Variants in SH3BP5 observed in about 807,000 individuals in gnomAD.
SH3BP5 encodes the protein SH3 domain binding protein 5.
SH3BP5 carries 22 observed loss-of-function variants against 43.3 expected under a neutral mutation model. The observed-to-expected ratio is 0.51, with a 90% confidence interval of 0.36 to 0.73. SH3BP5 has a LOEUF of 0.73. Among genes scored for constraint, SH3BP5 ranks in the 30% least tolerant of loss-of-function variants. The pLI is 0.00. For synonymous variants in SH3BP5, 255 were observed against 225.8 expected (o/e 1.13, Z -1.16); for missense variants, 529 against 586.9 (o/e 0.90, Z 1.02).
intron 3 of SH3BP5, among the ~76,000 whole-genome samples, chr3:15,285,391 G>A (rs1257926906): frequency 6.6e-6 from 1 of 152,098 alleles, no homozygotes; most frequent in African/African-American, 2.4e-5. Context: ...CTCATTCCCC[G>A]CTCCGCTCAA....
At chr3:15,303,974 G>C in intron 3 of SH3BP5, 129 bp downstream of exon 3, 1 of 715,742 alleles carries the variant, frequency 1.4e-6, no homozygotes, top group Non-Finnish European at 2.4e-6. Flanking sequence ...GCGGGGCGGT[G>C]GGTCACTGCA....
chr3:15,330,584 G>T lies in SH3BP5; in HGVS notation c.139-18C>A. On this transcript the variant is annotated intron_variant, in intron 1 of 8. Transcript: ENST00000383791. Reference sequence around the variant, plus strand: ...AGTTCTCCCTGGTGAAGAAAAGAGGGAGAAAAAAAGACTTAAGGGATCCGT... The same window carrying T: ...AGTTCTCCCTGGTGAAGAAAAGAGGTAGAAAAAAAGACTTAAGGGATCCGT... 6.4e-7 allele frequency: 1 copy of T among 1,569,552 alleles called. No homozygotes were observed. Among genetic ancestry groups the T allele is most frequent in the South Asian group, 1.2e-5 (1 of 84,496 alleles).
intron 1 of SH3BP5, among the ~76,000 whole-genome samples, chr3:15,338,937 T>C (rs1698733033): frequency 6.6e-6 from 1 of 152,070 alleles, no homozygotes. Context: ...CCCAGAGCCC[T>C]CATGGTAAGG....
At chr3:15,295,602 G>A (rs1020185281) in intron 3 of SH3BP5, among the ~76,000 whole-genome samples, 1 of 152,212 alleles carries the variant, frequency 6.6e-6, no homozygotes, top group Non-Finnish European at 1.5e-5. Flanking sequence ...CTTCGTTCAG[G>A]CAGAAGTTAT....
upstream of SH3BP5, among the ~76,000 whole-genome samples, chr3:15,336,330 G>C (rs1408650573): frequency 1.3e-5 from 2 of 152,278 alleles, no homozygotes; most frequent in Admixed American, 6.5e-5. Context: ...TCAGAGGCAA[G>C]CATGTGGGTA....
intron 3 of SH3BP5, among the ~76,000 whole-genome samples, 193 bp from the exon 4 acceptor site, chr3:15,270,070 C>T (rs1410270368): frequency 1.3e-5 from 2 of 152,232 alleles, no homozygotes; most frequent in Non-Finnish European, 2.9e-5. Flanking sequence ...AGCAACAAAT[C>T]AGTGAGCGAA....
Position 15,327,169 on chromosome 3 carries a change from G to A in SH3BP5, c.201+3335C>T, listed in dbSNP as rs193144209. Among the ~76,000 whole-genome samples, 299 of 151,966 alleles carry A rather than the reference G, an allele frequency of 2.0e-3. 2 individuals are homozygous for A. Among genetic ancestry groups the A allele is most frequent in the African/African-American group, 6.8e-3 (280 of 41,432 alleles). ...GTGGGGAGGGGGGTAGCGACGACAC[G>A]AGATCCGGAGTTCAAGACCAGCCAG... On this transcript the variant is annotated intron_variant, in intron 2 of 8. Coordinates refer to ENST00000383791, the MANE Select transcript of SH3BP5 (RefSeq NM_004844.5).
chr3:15,285,947 CA>C (rs1697254428), intron 3 of SH3BP5, among the ~76,000 whole-genome samples: 1 of 152,204 alleles, frequency 6.6e-6, no homozygotes, highest in South Asian at 2.1e-4. Flanking sequence ...AGAAGATCTG[CA>C]AAGGAATTCA....
At chr3:15,320,642 C>CACACACA (rs1553619765) in intron 2 of SH3BP5, among the ~76,000 whole-genome samples, 1 of 25,768 alleles carries the variant, frequency 3.9e-5, no homozygotes, top group African/African-American at 1.4e-4. Context: ...ACACACACAC[C>CACACACA]CCACTACGTT....
At chr3:15,320,019 T>C (rs1258226887) in intron 2 of SH3BP5, among the ~76,000 whole-genome samples, 1 of 152,138 alleles carries the variant, frequency 6.6e-6, no homozygotes, top group African/African-American at 2.4e-5. Context: ...AAACACCCCC[T>C]TTCTTCTTCC....
At chr3:15,300,089 A>T (rs116442419) in intron 3 of SH3BP5, among the ~76,000 whole-genome samples, 291 of 152,272 alleles carry the variant, frequency 1.9e-3, no homozygotes, top group African/African-American at 6.6e-3. Context: ...GTAACCATCA[A>T]AAGTGGAAAA....
chr3:15,263,115 C>G (rs528273163), intron 4 of SH3BP5, among the ~76,000 whole-genome samples: 6 of 152,272 alleles, frequency 3.9e-5, no homozygotes, highest in Admixed American at 3.3e-4. Flanking sequence ...GCTAAATTGG[C>G]TGTGGCAATG....
chr3:15,272,067 C>T (rs1696816927), intron 3 of SH3BP5, among the ~76,000 whole-genome samples: 1 of 152,122 alleles, frequency 6.6e-6, no homozygotes, highest in Non-Finnish European at 1.5e-5. Context: ...CTACAGGGAC[C>T]CCACCCTTCC....
chr3:15,277,077 A>C (rs1347756774), intron 3 of SH3BP5, among the ~76,000 whole-genome samples: 5 of 152,018 alleles, frequency 3.3e-5, no homozygotes, highest in African/African-American at 1.2e-4. Context: ...CAGCCTCCCA[A>C]GTAGCTGGGA....
chr3:15,332,602 G>C, upstream of SH3BP5: 1 of 1,194,318 alleles, frequency 8.4e-7, no homozygotes. Flanking sequence ...GGGCGCGGCC[G>C]CCCCCTTTCT....
intron 2 of SH3BP5, among the ~76,000 whole-genome samples, chr3:15,308,133 C>A (rs1697960534): frequency 6.6e-6 from 1 of 152,204 alleles, no homozygotes; most frequent in South Asian, 2.1e-4. Flanking sequence ...ATCACTCATT[C>A]AGGTTCCCTG....
At chr3:15,283,829 A>C (rs965066783) in intron 3 of SH3BP5, among the ~76,000 whole-genome samples, 1 of 152,190 alleles carries the variant, frequency 6.6e-6, no homozygotes, top group African/African-American at 2.4e-5. Flanking sequence ...GCCCTGATGG[A>C]GGGAGGATAA....
At chr3:15,330,881 CA>C (rs1443689437) in intron 1 of SH3BP5, 1 of 274,062 alleles carries the variant, frequency 3.6e-6, no homozygotes, top group Non-Finnish European at 5.6e-6. Flanking sequence ...ATGGCCTAAT[CA>C]AAACAGTACC....
At chr3:15,324,605 C>T (rs1318281608) in intron 2 of SH3BP5, among the ~76,000 whole-genome samples, 2 of 146,690 alleles carry the variant, frequency 1.4e-5, no homozygotes, top group Non-Finnish European at 3.0e-5. Context: ...TCTATCTATG[C>T]TTCAAACATT....
Sources: allele counts gnomAD v4.1 joint callset (sites outside exome capture counted in the v4.1 genomes callset), GRCh38; gene constraint gnomAD v4.1.1; transcripts MANE v1.5; gene names NCBI Gene and HGNC (gene_info 2026-07-23, HGNC 2026-07-21).